The following TAF4 variants were observed in gnomAD, a reference collection of about 807,000 sequenced individuals.
TAF4 encodes the protein TATA-box binding protein associated factor 4.
TAF4 carries 9 observed loss-of-function variants against 90.3 expected under a neutral mutation model. The observed-to-expected ratio is 0.10, with a 90% CI of 0.06 to 0.17. The LOEUF (loss-of-function observed/expected upper bound fraction) is 0.17. TAF4 is among the 10% of genes least tolerant of loss of function. The pLI, the probability that TAF4 is intolerant of heterozygous loss-of-function variation, is 1.00. For synonymous variants in TAF4, 818 were observed against 638.9 expected (o/e 1.28, Z -4.23); for missense variants, 1,351 against 1,370.7 (o/e 0.99, Z 0.23).
Position 62,064,572 on chromosome 20 carries a change from G to A in TAF4, c.1239C>T (p.Ser413=). 2 of 1,513,306 alleles carry A rather than the reference G, an allele frequency of 1.3e-6. No individual in the cohort carries two copies. The highest frequency in any genetic ancestry group is 1.8e-6 in the Non-Finnish European group (2 of 1,136,284). The allele number at this position is 1,513,306 out of a possible 1,614,324, so 93.7% of individuals were successfully genotyped here. Residue 413 remains serine, a synonymous_variant, in exon 1 of 15, where the codon TCC becomes TCT. Coordinates refer to ENST00000252996, the MANE Select transcript of TAF4 (RefSeq NM_003185.4). ...GAAGAVTQSL[S]RTPTATTSGI... ...CGCTGGTGGTGGCCGTGGGCGTCCG[G>A]GACAGGCTCTGGGTCACTGCGCCGG...
At chr20:62,012,756 A>G in intron 3 of TAF4, 59 bp downstream of exon 3, 7 of 1,534,022 alleles carry the variant, frequency 4.6e-6, no homozygotes, top group Non-Finnish European at 6.1e-6. Context: ...TCTCTGCATC[A>G]AAGAAATCAC....
At chr20:61,984,029 C>T (rs1401748959) in intron 14 of TAF4, among the ~76,000 whole-genome samples, 5 of 152,186 alleles carry the variant, frequency 3.3e-5, no homozygotes, top group African/African-American at 7.2e-5. Flanking sequence ...CCAATAAAAA[C>T]GCAGGAGATG....
chr20:62,050,839 C>G (rs569944373), intron 1 of TAF4, among the ~76,000 whole-genome samples: 1 of 151,878 alleles, frequency 6.6e-6, no homozygotes, highest in Non-Finnish European at 1.5e-5. Context: ...CACACCTGGC[C>G]CCCCAGAACA....
intron 14 of TAF4, among the ~76,000 whole-genome samples, chr20:61,996,084 A>C (rs1423932366): frequency 1.3e-5 from 2 of 152,190 alleles, no homozygotes; most frequent in African/African-American, 4.8e-5. Flanking sequence ...ACCTCTAAAA[A>C]ATAAAGAACA....
intron 9 of TAF4, 132 bp from the exon 10 acceptor site, chr20:62,000,853 CCTGCACCTG>C (rs1300887574): frequency 1.1e-6 from 1 of 871,388 alleles, no homozygotes; most frequent in Non-Finnish European, 1.8e-6. Context: ...CCTCCCCGCA[CCTGCACCTG>C]CTGCATCTGC....
intron 1 of TAF4, among the ~76,000 whole-genome samples, chr20:62,052,757 C>A (rs1366107052): frequency 7.1e-6 from 1 of 140,566 alleles, no homozygotes; most frequent in African/African-American, 2.7e-5. Context: ...CACCCCACAC[C>A]CCGGGTCCCT....
intron 1 of TAF4, among the ~76,000 whole-genome samples, chr20:62,063,705 G>A (rs1346746705): frequency 6.6e-6 from 1 of 152,218 alleles, no homozygotes; most frequent in Admixed American, 6.5e-5. Flanking sequence ...AGAGTAGCTA[G>A]GCGCTCCTTC....
In TAF4 at chr20:62,000,621, G is replaced by A. The variant is rs1008413491; in HGVS notation, c.2587C>T (p.Leu863=). The part of the protein sequence containing the change: ...LATNSELVGT[L]TRSCKDETFL... ...GTTTCATCTTTACAGGACCGCGTTA[G>A]CGTGCCCACCAATTCAGAGTTCGTG... The change falls in exon 10 of 15, where the codon CTA becomes TTA. Residue 863 remains leucine, a synonymous_variant. Transcript: ENST00000252996. The A allele has an allele frequency of 3.1e-6, 5 of 1,614,166 alleles. No homozygotes were observed. The highest frequency in any genetic ancestry group is 1.7e-5 in the Admixed American group (1 of 60,014).
chr20:62,055,657 A>C (rs2056059307), intron 1 of TAF4, among the ~76,000 whole-genome samples: 2 of 151,876 alleles, frequency 1.3e-5, no homozygotes, highest in African/African-American at 4.8e-5. Flanking sequence ...CCCTGCATCT[A>C]CTCTTTCCTT....
At chr20:62,038,666 G>A (rs2055947291) in intron 1 of TAF4, among the ~76,000 whole-genome samples, 1 of 152,078 alleles carries the variant, frequency 6.6e-6, no homozygotes, top group Admixed American at 6.6e-5. Flanking sequence ...CAATGAAGAG[G>A]TACAACACGT....
Position 62,010,175 on chromosome 20 carries a change from T to C in TAF4, c.1642-10A>G. On this transcript the variant is annotated splice_polypyrimidine_tract_variant and intron_variant, in intron 3 of 14. Transcript: ENST00000252996. The surrounding 1 kb of genome is among the most constrained non-coding windows in gnomAD (Gnocchi z 4.5). ...CCAGAACGAGCTGAGGCTACAAGAA[T>C]CCAAAAACACAAGGTAAGGGCATCT... is the stretch of plus-strand genomic sequence containing the variant. 1.2e-6 allele frequency: 2 copies of C among 1,612,630 alleles called. No individual in the cohort carries two copies. The highest frequency in any genetic ancestry group is 8.5e-7 in the Non-Finnish European group (1 of 1,179,736).
chr20:62,061,119 G>A (rs986206753), intron 1 of TAF4, among the ~76,000 whole-genome samples: 1 of 152,238 alleles, frequency 6.6e-6, no homozygotes, highest in Non-Finnish European at 1.5e-5. Context: ...TTTTAGGAAT[G>A]TCCCTTGTGC....
chr20:61,996,210 C>T (rs910913731), intron 14 of TAF4, among the ~76,000 whole-genome samples: 8 of 151,534 alleles, frequency 5.3e-5, no homozygotes, highest in African/African-American at 1.2e-4. Context: ...CCTGTCTCTA[C>T]GAAAAAAAAA....
intron 2 of TAF4, among the ~76,000 whole-genome samples, 168 bp downstream of exon 2, chr20:62,014,379 G>A (rs761457551): frequency 1.8e-4 from 28 of 152,232 alleles, no homozygotes; most frequent in Non-Finnish European, 3.1e-4. Context: ...GGAGAGCAGC[G>A]CCGTCCCGGG....
chr20:62,005,140 G>C (rs1568929366), intron 7 of TAF4: 1 of 152,256 alleles, frequency 6.6e-6, no homozygotes, highest in Non-Finnish European at 1.5e-5. Context: ...GCCTCAGGCA[G>C]CTCAGGCAAT....
At chr20:62,017,584 T>C (rs1258272333) in intron 1 of TAF4, among the ~76,000 whole-genome samples, 2 of 152,152 alleles carry the variant, frequency 1.3e-5, no homozygotes, top group Non-Finnish European at 2.9e-5. Context: ...GAGGCAGAGC[T>C]TGCAGTGAGC....
chr20:62,045,791 A>G (rs1384216080), intron 1 of TAF4, among the ~76,000 whole-genome samples: 1 of 152,188 alleles, frequency 6.6e-6, no homozygotes, highest in Non-Finnish European at 1.5e-5. Context: ...CGTCTAATCC[A>G]GAGCAGACGC....
chr20:62,041,402 G>A (rs917760545), intron 1 of TAF4, among the ~76,000 whole-genome samples: 6 of 152,120 alleles, frequency 3.9e-5, no homozygotes, highest in South Asian at 2.1e-4. Context: ...AATAACAGAC[G>A]GCATACATGA....
In TAF4 at chr20:62,065,646, G is replaced by C. The variant is rs2056126853; in HGVS notation, c.165C>G (p.Ala55=). The part of the protein sequence containing the change: ...PRTPEVRAAA[A]GALGNHVVSG... Reference sequence around the variant, plus strand: ...TCACAACATGGTTCCCGAGCGCGCCGGCGGCCGCGGCCCGCACCTCGGGCG... The same window carrying C: ...TCACAACATGGTTCCCGAGCGCGCCCGCGGCCGCGGCCCGCACCTCGGGCG... The change falls in exon 1 of 15, where the codon GCC becomes GCG. Residue 55 remains alanine, a synonymous_variant. Transcript: ENST00000252996. The C allele has an allele frequency of 1.9e-6, 2 of 1,048,832 alleles. No individual in the cohort carries two copies. Among genetic ancestry groups the C allele is most frequent in the Non-Finnish European group, 1.1e-6 (1 of 873,700 alleles). 65.0% of individuals were successfully genotyped at this position (1,048,832 alleles called of 1,614,324 possible). A position where few individuals can be genotyped will look rare whatever the true frequency, so the allele number is the denominator to read the frequency against.
Sources: gnomAD v4.1 joint callset for allele counts (sites outside exome capture counted in the v4.1 genomes callset) on GRCh38, gnomAD v4.1.1 for gene constraint, Gnocchi (gnomAD v3.1) non-coding constraint, MANE v1.5 for transcripts, NCBI Gene and HGNC (gene_info 2026-07-23, HGNC 2026-07-21) for gene names.